The following DAGLA variants were observed in gnomAD, a reference collection of about 807,000 sequenced individuals.
DAGLA encodes diacylglycerol lipase-alpha.
Under a neutral mutation model 102.6 loss-of-function variants are expected in DAGLA, and 22 were observed. The observed-to-expected ratio is 0.21, with a 90% CI of 0.15 to 0.31. The LOEUF (loss-of-function observed/expected upper bound fraction) is 0.31, where lower values mean the gene tolerates loss of function less well. Among genes scored for constraint, DAGLA ranks in the 10% least tolerant of loss-of-function variants. The probability of loss-of-function intolerance (pLI) is 1.00; values close to 1 mark genes in which losing one functional copy is unlikely to be tolerated. For synonymous variants in DAGLA, 578 were observed against 628.9 expected, an observed-to-expected ratio of 0.92 and a Z score of 1.21; for missense variants, 927 against 1,446.6, an observed-to-expected ratio of 0.64 and a Z score of 5.83.
intron 6 of DAGLA, 52 bp downstream of exon 6, chr11:61,726,134 T>C: frequency 1.9e-6 from 3 of 1,557,610 alleles, no homozygotes; most frequent in Non-Finnish European, 2.6e-6. Flanking sequence ...GGTCAGGTGA[T>C]TAAGGGGCTG....
intron 1 of DAGLA, among the ~76,000 whole-genome samples, chr11:61,704,145 A>C: frequency 7.1e-6 from 1 of 141,020 alleles, no homozygotes. Context: ...TTTGAGATGG[A>C]GTCTCACTCT....
chr11:61,700,590 A>T (rs2065102243), intron 1 of DAGLA, among the ~76,000 whole-genome samples: 1 of 152,148 alleles, frequency 6.6e-6, no homozygotes, highest in African/African-American at 2.4e-5. Flanking sequence ...AACAGATTAG[A>T]TAATTAGCTG....
rs376458411 is a variant in DAGLA, at chr11:61,711,582, T to C, written c.-44-8530T>C. ...TGCTGCTGCCCTCCTGGCCCTCACT[T>C]CCCGCTCCCCAGCAGCCAGCCATCT... is the stretch of plus-strand genomic sequence containing the variant. On this transcript the variant is annotated intron_variant, in intron 1 of 19. Transcript: ENST00000257215. 1.8e-3 allele frequency among the ~76,000 whole-genome samples: 268 copies of C among 152,266 alleles called. 6 individuals are homozygous for C. In the South Asian group the frequency reaches 0.03, roughly 17 times the overall value.
At chr11:61,698,658 A>G (rs1226380399) in intron 1 of DAGLA, among the ~76,000 whole-genome samples, 1 of 152,236 alleles carries the variant, frequency 6.6e-6, no homozygotes, top group Non-Finnish European at 1.5e-5. Context: ...TGCCGGCAGC[A>G]TGATCTGAGA....
chr11:61,720,464 CTGCT>C (rs2065272397), intron 2 of DAGLA, among the ~76,000 whole-genome samples: 1 of 152,192 alleles, frequency 6.6e-6, no homozygotes, highest in Non-Finnish European at 1.5e-5. Flanking sequence ...GGGGGAGTTG[CTGCT>C]ACTGTCTCCC....
chr11:61,728,612 C>T (rs928558680), intron 7 of DAGLA, among the ~76,000 whole-genome samples: 7 of 152,314 alleles, frequency 4.6e-5, no homozygotes, highest in Non-Finnish European at 7.4e-5. Flanking sequence ...GTGGCCGCTC[C>T]GCCCACCCCA....
intron 1 of DAGLA, among the ~76,000 whole-genome samples, chr11:61,681,238 G>C (rs2064939889): frequency 6.6e-6 from 1 of 152,156 alleles, no homozygotes; most frequent in Non-Finnish European, 1.5e-5. Context: ...GAGGAGGGCA[G>C]AAGGCTGGGA....
chr11:61,739,648 G>T lies in DAGLA; in HGVS notation c.1840G>T (p.Ala614Ser), dbSNP rs199892433. The change falls in exon 17 of 20, where the codon GCA becomes TCA. Residue 614 changes from alanine (A) to serine (S), a missense_variant. Coordinates refer to ENST00000257215, the MANE Select transcript of DAGLA (RefSeq NM_006133.3). ...RIIHVVHNHPAEQCCCCEQEE... is the reference protein window; with the variant it reads ...RIIHVVHNHPSEQCCCCEQEE... ...CATCCACGTGGTCCACAACCACCCT[G>T]CAGAGCAGTGCTGGTAGGTTCTGCC... 3.1e-6 allele frequency: 5 copies of T among 1,613,824 alleles called. No homozygotes were observed. The highest frequency in any genetic ancestry group is 4.2e-6 in the Non-Finnish European group (5 of 1,180,012).
chr11:61,723,576 A>C lies in DAGLA; in HGVS notation c.548+4A>C. ...ACCTGCGGACCTACAACCTGCGGTC[A>C]GTCAGCGGGCTGGGTGGGCAGTCCC... On this transcript the variant is annotated splice_donor_region_variant and intron_variant, in intron 5 of 19. Transcript: ENST00000257215. The C allele has an allele frequency of 6.2e-7, 1 of 1,612,264 alleles. No individual in the cohort carries two copies. The highest frequency in any genetic ancestry group is 1.3e-5 in the African/African-American group (1 of 74,968).
chr11:61,702,598 C>T (rs901756542), intron 1 of DAGLA, among the ~76,000 whole-genome samples: 1 of 152,220 alleles, frequency 6.6e-6, no homozygotes, highest in Admixed American at 6.5e-5. Context: ...CCAGGTCCTT[C>T]CCCTTCTCAC....
intron 1 of DAGLA, among the ~76,000 whole-genome samples, chr11:61,716,767 A>G (rs1006271810): frequency 6.6e-6 from 1 of 152,146 alleles, no homozygotes; most frequent in South Asian, 2.1e-4. Flanking sequence ...TTTTAAAAAG[A>G]GTTTGCATTT....
At position 61,706,853 on chromosome 11, in the gene DAGLA, G is replaced by T. The variant is rs552138006; in HGVS notation, c.-44-13259G>T. On this transcript the variant is annotated intron_variant, in intron 1 of 19. Coordinates refer to ENST00000257215, the MANE Select transcript of DAGLA (RefSeq NM_006133.3). ...AGGTGCCACTTTCTGCCTGGCAGGA[G>T]CCTTGGCCTCTGCCGGTCTCACCAG... 4.6e-5 allele frequency among the ~76,000 whole-genome samples: 7 copies of T among 152,370 alleles called. No individual in the cohort carries two copies. In the South Asian group the frequency reaches 1.4e-3, roughly 32 times the overall value.
At chr11:61,688,378 G>A (rs2065001490) in intron 1 of DAGLA, among the ~76,000 whole-genome samples, 2 of 151,740 alleles carry the variant, frequency 1.3e-5, no homozygotes, top group Non-Finnish European at 1.5e-5. Flanking sequence ...TGGCATGAAG[G>A]CTGGGAATAC....
chr11:61,680,494 G>C lies in DAGLA; in HGVS notation c.-55G>C, dbSNP rs1462612452. 5.3e-5 allele frequency: 8 copies of C among 151,302 alleles called. No individual in the cohort carries two copies. Among genetic ancestry groups the C allele is most frequent in the Non-Finnish European group, 1.0e-4 (7 of 67,650 alleles). 9.4% of individuals were successfully genotyped at this position (151,302 alleles called of 1,614,324 possible). On this transcript the variant is annotated 5_prime_UTR_variant, in exon 1 of 20. Coordinates refer to ENST00000257215, the MANE Select transcript of DAGLA (RefSeq NM_006133.3). ...TCGCGGCGGCGGGCCGAGCCCTGCG[G>C]CGGGCGGGAGGTAAGGGGGGCCTCC... is the stretch of plus-strand genomic sequence containing the variant.
At chr11:61,695,212 G>T (rs1196518065) in intron 1 of DAGLA, among the ~76,000 whole-genome samples, 1 of 152,214 alleles carries the variant, frequency 6.6e-6, no homozygotes, top group African/African-American at 2.4e-5. Flanking sequence ...CGGGTGGGAG[G>T]AGGGGCAAGA....
In DAGLA at chr11:61,737,260, C is replaced by T. The variant is rs754162132; in HGVS notation, c.1450C>T (p.Leu484Phe). ...GAGTAAILSF[L>F]LRPQYPTLKC... ...GGGCACTGCTGCCATCCTCTCCTTC[C>T]TTCTGCGCCCACAGTATCCGACCCT... is the stretch of plus-strand genomic sequence containing the variant. The change falls in exon 14 of 20, where the codon CTT (leucine) becomes TTT (phenylalanine). Residue 484 changes from leucine to phenylalanine, a missense_variant. Coordinates refer to ENST00000257215, the MANE Select transcript of DAGLA (RefSeq NM_006133.3). The T allele has an allele frequency of 1.2e-6, 2 of 1,613,172 alleles. No individual in the cohort carries two copies. Among genetic ancestry groups the T allele is most frequent in the East Asian group, 4.5e-5 (2 of 44,880 alleles).
chr11:61,700,227 G>C (rs377307547), intron 1 of DAGLA, among the ~76,000 whole-genome samples: 1 of 151,842 alleles, frequency 6.6e-6, no homozygotes, highest in South Asian at 2.1e-4. Flanking sequence ...TGAGACTTTT[G>C]TATGGCAGGA....
chr11:61,710,171 A>G (rs1428717099), intron 1 of DAGLA, among the ~76,000 whole-genome samples: 1 of 152,070 alleles, frequency 6.6e-6, no homozygotes, highest in African/African-American at 2.4e-5. Context: ...GTCTCCTCTC[A>G]AGGAAGTTCT....
chr11:61,700,775 CA>C (rs1490698981), intron 1 of DAGLA, among the ~76,000 whole-genome samples: 1 of 152,220 alleles, frequency 6.6e-6, no homozygotes, highest in Non-Finnish European at 1.5e-5. Context: ...GCTGGCCCAG[CA>C]TACCCACCTG....
Sources: allele counts gnomAD v4.1 joint callset (sites outside exome capture counted in the v4.1 genomes callset), GRCh38; gene constraint gnomAD v4.1.1; transcripts MANE v1.5; gene names NCBI Gene and HGNC (gene_info 2026-07-23, HGNC 2026-07-21).